TCF4: variants seen among roughly 807,000 people sequenced by gnomAD.
TCF4 encodes transcription factor 4.
TCF4 carries 3 observed loss-of-function variants against 82.1 expected under a neutral mutation model. That is an observed-to-expected ratio of 0.04 (90% CI 0.02 to 0.09). The LOEUF is 0.09. Ranked by LOEUF, TCF4 falls within the 10% of genes least tolerant of loss-of-function variation. The pLI is 1.00. For missense variants in TCF4, 518 were observed against 852.7 expected, an observed-to-expected ratio of 0.61 and a Z score of 4.89; for synonymous variants, 276 against 309.6, an observed-to-expected ratio of 0.89 and a Z score of 1.14.
At chr18:55,403,401 T>C in intron 6 of TCF4, 53 bp downstream of exon 6, 2 of 1,598,330 alleles carry the variant, frequency 1.3e-6, no homozygotes, top group Non-Finnish European at 1.7e-6. Flanking sequence ...GAAAACAAAC[T>C]GATTTACCAG....
At chr18:55,263,781 A>T (rs1285841906) in intron 11 of TCF4, among the ~76,000 whole-genome samples, 1 of 151,998 alleles carries the variant, frequency 6.6e-6, no homozygotes, top group Non-Finnish European at 1.5e-5. Context: ...TATACCTAAA[A>T]ATTAGATCTA....
chr18:55,560,227 A>T (rs974105434), intron 3 of TCF4, among the ~76,000 whole-genome samples: 2 of 152,226 alleles, frequency 1.3e-5, no homozygotes, highest in African/African-American at 4.8e-5. Context: ...AAATACATGG[A>T]CATATATGCA....
At chr18:55,576,653 G>A (rs2097530562) in intron 3 of TCF4, among the ~76,000 whole-genome samples, 1 of 152,194 alleles carries the variant, frequency 6.6e-6, no homozygotes, top group Non-Finnish European at 1.5e-5. Context: ...TCAAGGATTA[G>A]AATTGAGTTT....
intron 6 of TCF4, among the ~76,000 whole-genome samples, chr18:55,373,775 TACA>T (rs1407677437): frequency 6.6e-6 from 1 of 152,078 alleles, no homozygotes; most frequent in Non-Finnish European, 1.5e-5. Flanking sequence ...ATCGTGCCAC[TACA>T]CTCCAACCTG....
At chr18:55,509,799 T>C (rs1380469952) in intron 3 of TCF4, among the ~76,000 whole-genome samples, 4 of 151,846 alleles carry the variant, frequency 2.6e-5, no homozygotes, top group African/African-American at 9.7e-5. Context: ...GAGCCAAAAA[T>C]AAAGGGAAAG....
chr18:55,257,905 T>C (rs1165954172), intron 13 of TCF4, among the ~76,000 whole-genome samples: 1 of 152,172 alleles, frequency 6.6e-6, no homozygotes, highest in Non-Finnish European at 1.5e-5. Flanking sequence ...TTAAAGTCAA[T>C]ATACAGCAAT....
intron 5 of TCF4, among the ~76,000 whole-genome samples, chr18:55,447,443 T>C (rs2095546067): frequency 6.6e-6 from 1 of 152,160 alleles, no homozygotes; most frequent in African/African-American, 2.4e-5. Flanking sequence ...ATTCTTTTAT[T>C]AGGATGTGGG....
chr18:55,567,238 G>A (rs891743939), intron 3 of TCF4, among the ~76,000 whole-genome samples: 10 of 152,076 alleles, frequency 6.6e-5, no homozygotes, highest in Non-Finnish European at 1.3e-4. Flanking sequence ...GGCAGAAAGA[G>A]AATAGCCACA....
At chr18:55,584,645 T>C (rs1490351419) in intron 3 of TCF4, among the ~76,000 whole-genome samples, 5 of 152,008 alleles carry the variant, frequency 3.3e-5, no homozygotes, top group Non-Finnish European at 7.4e-5. Flanking sequence ...CTTTCATTTA[T>C]AAAACGTAAA....
At chr18:55,251,932 T>G (rs868490448) in intron 15 of TCF4, among the ~76,000 whole-genome samples, 3 of 143,340 alleles carry the variant, frequency 2.1e-5, no homozygotes, top group South Asian at 2.2e-4. Flanking sequence ...GGGATGAGGT[T>G]TTTTTTTTTT....
intron 6 of TCF4, among the ~76,000 whole-genome samples, chr18:55,365,191 ATGTGTGTGTGTGTGTG>A (rs1220531145): frequency 2.0e-4 from 20 of 97,868 alleles, no homozygotes; most frequent in East Asian, 8.3e-4. Flanking sequence ...ATATATATAT[ATGTGTGTGTGTGTGTG>A]TGTATATATA....
chr18:55,238,996 C>T (rs539252204), intron 15 of TCF4, among the ~76,000 whole-genome samples: 28 of 152,256 alleles, frequency 1.8e-4, no homozygotes, highest in African/African-American at 6.7e-4. Flanking sequence ...CAAACACAGG[C>T]GGCTTGGCCT....
At chr18:55,357,229 A>T (rs2083782816) in intron 6 of TCF4, among the ~76,000 whole-genome samples, 1 of 152,194 alleles carries the variant, frequency 6.6e-6, no homozygotes, top group Non-Finnish European at 1.5e-5. Flanking sequence ...TTATATATTA[A>T]AAGGGGGATT....
At chr18:55,508,028 A>T (rs1222875656) in intron 3 of TCF4, among the ~76,000 whole-genome samples, 1 of 152,160 alleles carries the variant, frequency 6.6e-6, no homozygotes, top group Non-Finnish European at 1.5e-5. Flanking sequence ...TCCAAGAACA[A>T]ATAACAGAAC....
chr18:55,283,177 T>C (rs1381386626), intron 8 of TCF4, among the ~76,000 whole-genome samples: 2 of 152,124 alleles, frequency 1.3e-5, no homozygotes, highest in Non-Finnish European at 2.9e-5. Flanking sequence ...AATGTTTTCA[T>C]TTTACAGATT....
intron 8 of TCF4, chr18:55,322,017 G>A (rs958642702): frequency 6.6e-6 from 8 of 1,204,096 alleles, no homozygotes; most frequent in East Asian, 3.4e-5. Flanking sequence ...ACTTTTCCGA[G>A]GGGTTTTTAT....
At chr18:55,391,305 A>T (rs968051657) in intron 6 of TCF4, among the ~76,000 whole-genome samples, 8 of 152,356 alleles carry the variant, frequency 5.3e-5, no homozygotes, top group African/African-American at 1.9e-4. Context: ...GTTAAGGTGT[A>T]TTCCCCAACT....
rs1056402806 is a variant in TCF4, at chr18:55,269,951, G to A, written c.802C>T (p.His268Tyr). 6.2e-7 allele frequency: 1 copy of A among 1,613,230 alleles called. No individual in the cohort carries two copies. ...HPHERLSYPS[H>Y]SSADINSSLP... ...CTGGAATTGATGTCTGCTGAGGAGTGTGATGGATAGCTCTATAGCAAGAAG... is the reference window on the plus strand; with the variant it reads ...CTGGAATTGATGTCTGCTGAGGAGTATGATGGATAGCTCTATAGCAAGAAG... Residue 268 changes from histidine to tyrosine, a missense_variant, in exon 11 of 20, where the codon CAC becomes TAC. Physicochemically the swap from His to Tyr is moderately conservative, Grantham distance 83 (BLOSUM62 2). Around this residue, in one of 7 missense-constraint regions of TCF4, gnomAD observed 211 missense variants for 327.4 expected, o/e 0.64. Transcript: ENST00000354452.
At chr18:55,580,647 A>C (rs1395644222) in intron 3 of TCF4, among the ~76,000 whole-genome samples, 1 of 151,976 alleles carries the variant, frequency 6.6e-6, no homozygotes, top group African/African-American at 2.4e-5. Flanking sequence ...CATTTTTAAA[A>C]ATGCTATCTA....
Sources: allele counts gnomAD v4.1 joint callset (sites outside exome capture counted in the v4.1 genomes callset), GRCh38; gene constraint gnomAD v4.1.1; regional missense constraint gnomAD v4.1.1; transcripts MANE v1.5; gene names NCBI Gene and HGNC (gene_info 2026-07-23, HGNC 2026-07-21).